RERG: variants seen among roughly 807,000 people sequenced by gnomAD.
RERG encodes ras-related and estrogen-regulated growth inhibitor.
In RERG, 25 loss-of-function variants were observed where a neutral mutation model predicts 23.2. The ratio of observed to expected loss-of-function variants is 1.08; its 90% confidence interval spans 0.79 to 1.50. The LOEUF (loss-of-function observed/expected upper bound fraction) is 1.50. Ranked by LOEUF, RERG falls within the 40% of genes most tolerant of loss-of-function variation. The pLI, the probability that RERG is intolerant of heterozygous loss-of-function variation, is 0.00. For missense variants in RERG, 253 were observed against 250.1 expected, an observed-to-expected ratio of 1.01 and a Z score of -0.08; for synonymous variants, 81 against 89.1, an observed-to-expected ratio of 0.91 and a Z score of 0.51.
rs761478332 is a variant in RERG at position 15,183,424 on chromosome 12, T to G, written c.61+34005A>C. Among the ~76,000 whole-genome samples the G allele has an allele frequency of 4.7e-4, 72 of 152,130 alleles. 1 individual carries two copies. The highest frequency in any genetic ancestry group is 1.5e-4 in the Non-Finnish European group (10 of 68,028). On this transcript the variant is annotated intron_variant, in intron 2 of 4. Coordinates refer to ENST00000256953, the MANE Select transcript of RERG (RefSeq NM_032918.3). ...TAATTTTGTATATAAATTCAAAACT[T>G]TGTAATCTTCCTGAAATATATATTA... is the stretch of plus-strand genomic sequence containing the variant.
At chr12:15,204,262 C>G (rs1199171251) in intron 2 of RERG, among the ~76,000 whole-genome samples, 4 of 151,594 alleles carry the variant, frequency 2.6e-5, no homozygotes, top group Non-Finnish European at 5.9e-5. Flanking sequence ...AGAAATAAAC[C>G]CACACATATG....
chr12:15,120,535 C>T (rs1863812118), intron 3 of RERG, among the ~76,000 whole-genome samples: 1 of 151,500 alleles, frequency 6.6e-6, no homozygotes, highest in South Asian at 2.1e-4. Context: ...ACATTTTATA[C>T]ATCAACATTA....
chr12:15,110,002 C>T (rs969921765), intron 4 of RERG, among the ~76,000 whole-genome samples: 4 of 152,064 alleles, frequency 2.6e-5, no homozygotes, highest in African/African-American at 9.7e-5. Context: ...TCTCTTTCTT[C>T]AGATTATAGA....
chr12:15,182,020 A>C (rs998247758), intron 2 of RERG, among the ~76,000 whole-genome samples: 5 of 151,842 alleles, frequency 3.3e-5, no homozygotes, highest in African/African-American at 1.2e-4. Flanking sequence ...ATCCTATCTC[A>C]GAAGCAGAAA....
intron 2 of RERG, among the ~76,000 whole-genome samples, chr12:15,146,144 C>A (rs1864328768): frequency 6.6e-6 from 1 of 152,110 alleles, no homozygotes; most frequent in African/African-American, 2.4e-5. Context: ...AATGAAATGC[C>A]TTACAAGACT....
chr12:15,212,041 A>ATTTTTTTTTTTT (rs1565539269), intron 2 of RERG, among the ~76,000 whole-genome samples: 1 of 92,538 alleles, frequency 1.1e-5, no homozygotes, highest in African/African-American at 3.6e-5. Flanking sequence ...CCACGAATAA[A>ATTTTTTTTTTTT]CTTTTTTTTT....
intron 2 of RERG, among the ~76,000 whole-genome samples, chr12:15,166,581 T>G (rs1413016664): frequency 6.6e-6 from 1 of 151,876 alleles, no homozygotes; most frequent in African/African-American, 2.4e-5. Flanking sequence ...GTGGTGGTGG[T>G]AGGGGTGGTG....
chr12:15,170,214 T>C (rs1192671702), intron 2 of RERG, among the ~76,000 whole-genome samples: 1 of 152,080 alleles, frequency 6.6e-6, no homozygotes, highest in Non-Finnish European at 1.5e-5. Flanking sequence ...AAATAAATAT[T>C]AGAAGAGCGA....
chr12:15,131,322 A>T (rs547773449), intron 2 of RERG, among the ~76,000 whole-genome samples: 6 of 151,418 alleles, frequency 4.0e-5, no homozygotes, highest in African/African-American at 1.2e-4. Context: ...TGTTAATTTT[A>T]AAAGTGATTG....
chr12:15,159,142 T>A (rs570249307), intron 2 of RERG, among the ~76,000 whole-genome samples: 3 of 152,350 alleles, frequency 2.0e-5, no homozygotes, highest in Admixed American at 6.5e-5. Context: ...TGTTGATTTT[T>A]TTATACACTT....
At chr12:15,189,247 A>C (rs1175682138) in intron 2 of RERG, among the ~76,000 whole-genome samples, 5 of 152,188 alleles carry the variant, frequency 3.3e-5, no homozygotes, top group African/African-American at 1.2e-4. Flanking sequence ...CAAAGTCTTT[A>C]TAGTGACCTG....
At chr12:15,156,129 T>C (rs1278816714) in intron 2 of RERG, among the ~76,000 whole-genome samples, 1 of 152,112 alleles carries the variant, frequency 6.6e-6, no homozygotes, top group Non-Finnish European at 1.5e-5. Context: ...TTATTAATTA[T>C]GATTTCACAT....
At chr12:15,215,997 C>A (rs529265138) in intron 2 of RERG, among the ~76,000 whole-genome samples, 1 of 152,252 alleles carries the variant, frequency 6.6e-6, no homozygotes, top group African/African-American at 2.4e-5. Context: ...TCCCTTATTG[C>A]CTTTGGAAGT....
Position 15,109,275 on chromosome 12 carries a change from G to C in RERG, c.435C>G (p.Tyr145Ter). ...CTTCTCCAGTGCAGGCAGAGCACTC[G>C]TAAAAAGCACAAGCCAATTCTGTGG... is the stretch of plus-strand genomic sequence containing the variant. ...KLATELACAF[Y>*]ECSACTGEGN... is the part of the protein sequence containing the mutation. Residue 145 changes from tyrosine (Y) to a stop codon, truncating the protein, a stop_gained, in exon 5 of 5, where the codon TAC becomes TAG. Transcript: ENST00000256953. LOFTEE classifies it high-confidence loss of function. 2 of 1,614,088 alleles carry C rather than the reference G, an allele frequency of 1.2e-6. No individual in the cohort carries two copies. Among genetic ancestry groups the C allele is most frequent in the Non-Finnish European group, 1.7e-6 (2 of 1,180,006 alleles).
chr12:15,201,720 G>C (rs1053350706), intron 2 of RERG, among the ~76,000 whole-genome samples: 1 of 150,188 alleles, frequency 6.7e-6, no homozygotes, highest in East Asian at 1.9e-4. Context: ...GTAATAATTA[G>C]TGTTAGTAAT....
In RERG at chr12:15,121,077, T is replaced by C; in HGVS notation, c.104A>G (p.Tyr35Cys). Residue 35 changes from tyrosine to cysteine, a missense_variant, in exon 3 of 5, where the codon TAT becomes TGT. Transcript: ENST00000256953. Reference protein sequence around the residue: ...RFLTKRFIWEYDPTLESTYRH... With the variant: ...RFLTKRFIWECDPTLESTYRH... Reference sequence around the variant, plus strand: ...ATTTGACCTACCGAGGGTGGGATCATATTCCCAGATGAACCGTTTGGTCAG... The same window carrying C: ...ATTTGACCTACCGAGGGTGGGATCACATTCCCAGATGAACCGTTTGGTCAG... 3.1e-6 allele frequency: 5 copies of C among 1,613,084 alleles called. No individual in the cohort carries two copies. The highest frequency in any genetic ancestry group is 4.2e-6 in the Non-Finnish European group (5 of 1,179,162).
intron 1 of RERG, among the ~76,000 whole-genome samples, chr12:15,219,252 G>C (rs752803136): frequency 6.6e-6 from 1 of 152,196 alleles, no homozygotes; most frequent in Non-Finnish European, 1.5e-5. Flanking sequence ...TCTTGAGAGA[G>C]AAATTAAAAA....
chr12:15,121,153 A>G (rs201996283), intron 2 of RERG, 34 bp from the exon 3 acceptor site: 8 of 1,555,272 alleles, frequency 5.1e-6, no homozygotes, highest in Non-Finnish European at 7.1e-6. Context: ...TCAAAAAATA[A>G]TTTGTTAATT....
chr12:15,176,648 A>C (rs1158258204), intron 2 of RERG, among the ~76,000 whole-genome samples: 1 of 152,208 alleles, frequency 6.6e-6, no homozygotes, highest in Admixed American at 6.5e-5. Context: ...AATGCTGAAC[A>C]GGTTGGTTTT....
Sources: allele counts gnomAD v4.1 joint callset (sites outside exome capture counted in the v4.1 genomes callset), GRCh38; gene constraint gnomAD v4.1.1; transcripts MANE v1.5; gene names NCBI Gene and HGNC (gene_info 2026-07-23, HGNC 2026-07-21).